Variants in NABP2 observed in about 807,000 individuals in gnomAD.
The protein encoded by NABP2 is nucleic acid binding protein 2.
Under a neutral mutation model 22.7 loss-of-function variants are expected in NABP2, and 7 were observed. That is an observed-to-expected ratio of 0.31 (90% CI 0.18 to 0.58). The LOEUF is 0.58. NABP2 is among the 20% of genes least tolerant of loss of function. NABP2 has a pLI of 0.89. For missense variants in NABP2, 188 were observed against 265.9 expected (o/e 0.71, Z 2.04); for synonymous variants, 107 against 99.2 (o/e 1.08, Z -0.47).
In NABP2 at chr12:56,226,342, A is replaced by G. The variant is rs139926672; in HGVS notation, c.373-14A>G. On this transcript the variant is annotated splice_polypyrimidine_tract_variant and intron_variant, in intron 5 of 6. Transcript: ENST00000267023. ...GGAGGGAGCAGGATCTGAATATGTA[A>G]TCTGTGCCTTCAGGTGCAGAACGAC... 1.2e-5 allele frequency: 20 copies of G among 1,613,906 alleles called. No individual in the cohort carries two copies. In the African/African-American group the frequency reaches 2.4e-4, roughly 19 times the overall value.
chr12:56,225,590 G>A (rs371941176), intron 3 of NABP2, 34 bp from the exon 4 acceptor site: 1 of 1,614,134 alleles, frequency 6.2e-7, no homozygotes, highest in Non-Finnish European at 8.5e-7. Context: ...TAACACTTCT[G>A]AGTACTGAAT....
intron 1 of NABP2, 56 bp from the exon 2 acceptor site, chr12:56,224,778 G>C: frequency 6.8e-7 from 1 of 1,479,570 alleles, no homozygotes; most frequent in Non-Finnish European, 9.4e-7. Flanking sequence ...TTGGGAAGTG[G>C]AGCATGGGGG....
Position 56,225,621 on chromosome 12 carries a change from T to C in NABP2, c.219-3T>C. 6.2e-7 allele frequency: 1 copy of C among 1,614,120 alleles called. No homozygotes were observed. The highest frequency in any genetic ancestry group is 1.7e-5 in the Admixed American group (1 of 60,000). ...TGAATTTTGCTTTTTTTGCCTCCCA[T>C]AGGTACGCTTCAGTTTTCAAAGGTT... On this transcript the variant is annotated splice_polypyrimidine_tract_variant and splice_region_variant and intron_variant, in intron 3 of 6. Transcript: ENST00000267023.
chr12:56,225,676 G>A lies in NABP2; in HGVS notation c.271G>A (p.Asp91Asn). 1 of 1,614,206 alleles carries A rather than the reference G, an allele frequency of 6.2e-7. No homozygotes were observed. The highest frequency in any genetic ancestry group is 1.1e-5 in the South Asian group (1 of 91,084). ...GACACTATATACTGGCCGTGGGGGT[G>A]ATCTGCAGAAGATTGGAGAGTAAGT... ...CLTLYTGRGG[D>N]LQKIGEFCMV... is the part of the protein sequence containing the mutation. Residue 91 changes from aspartate (D) to asparagine (N), a missense_variant, in exon 4 of 7, where the codon GAT becomes AAT. Asp to Asn is a conservative substitution (Grantham distance 23). Coordinates refer to ENST00000267023, the MANE Select transcript of NABP2 (RefSeq NM_024068.4).
chr12:56,226,751 G>A lies in NABP2; in HGVS notation c.436+332G>A, dbSNP rs1368609171. On this transcript the variant is annotated intron_variant, in intron 6 of 6. Coordinates refer to ENST00000267023, the MANE Select transcript of NABP2 (RefSeq NM_024068.4). The stretch of plus-strand genomic sequence containing the variant: ...CGGCTAATTTTTTTTTTTTTGAGAT[G>A]GAGTCTCTGTCACCCAGGCTGGAGT... 5.1e-4 allele frequency among the ~76,000 whole-genome samples: 3 copies of A among 5,866 alleles called. No homozygotes were observed. In the Non-Finnish European group the frequency reaches 0.012, roughly 23 times the overall value. 3.8% of individuals were successfully genotyped at this position (5,866 alleles called of 152,430 possible).
chr12:56,228,757 A>C (rs917717798), intron 6 of NABP2, among the ~76,000 whole-genome samples: 3 of 152,104 alleles, frequency 2.0e-5, no homozygotes, highest in Non-Finnish European at 1.5e-5. Context: ...CTGATTCCCA[A>C]TAATAGTGAG....
intron 6 of NABP2, among the ~76,000 whole-genome samples, chr12:56,226,632 C>A (rs1458829532): frequency 8.3e-6 from 1 of 119,890 alleles, no homozygotes; most frequent in Non-Finnish European, 1.6e-5. Flanking sequence ...ATGGCGTGAT[C>A]TCGGCTCACT....
upstream of NABP2, chr12:56,224,219 T>G (rs1022663760): frequency 6.2e-5 from 38 of 616,148 alleles, no homozygotes; most frequent in Non-Finnish European, 7.7e-5. Context: ...ATTCGCCCCC[T>G]TCGCGGCGCA....
chr12:56,229,087 T>TTGGCGCCCCCC lies in NABP2; in HGVS notation c.510_511insTGGCGCCCCCC (p.Pro171TrpfsTer66). ...GTGGTGGCCCACATCCCCCTCATAC[T>TTGGCGCCCCCC]CCCTCCCACCCACCCAGCACCCGAA... On this transcript the variant is annotated frameshift_variant, in exon 7 of 7. Transcript: ENST00000267023. LOFTEE classifies it high-confidence loss of function. 1.3e-6 allele frequency: 2 copies of TTGGCGCCCCCC among 1,512,342 alleles called. No individual in the cohort carries two copies. Among genetic ancestry groups the TTGGCGCCCCCC allele is most frequent in the Non-Finnish European group, 1.8e-6 (2 of 1,102,012 alleles). The allele number at this position is 1,512,342 out of a possible 1,614,324, so 93.7% of individuals were successfully genotyped here.
intron 2 of NABP2, 152 bp from the exon 3 acceptor site, chr12:56,225,221 C>A (rs1869705848): frequency 1.9e-6 from 2 of 1,068,646 alleles, no homozygotes; most frequent in African/African-American, 1.6e-5. Flanking sequence ...ACCCCTTCCA[C>A]AATCCCAACC....
Position 56,226,284 on chromosome 12 carries a change from G to A in NABP2, c.372+24G>A, listed in dbSNP as rs978686187. 3 of 1,613,926 alleles carry A rather than the reference G, an allele frequency of 1.9e-6. No individual in the cohort carries two copies. In the African/African-American group the frequency reaches 4.0e-5, roughly 22 times the overall value. ...CGGTGAGTCCTGTGGCCACAATGGT[G>A]GGAAAGGAGGGCAGATCAAGACAAG... On this transcript the variant is annotated intron_variant, in intron 5 of 6. Transcript: ENST00000267023.
rs752001538 is a variant in NABP2 at position 56,229,036 on chromosome 12, T to C, written c.459T>C (p.Asn153=). Residue 153 remains asparagine (N), a synonymous_variant, in exon 7 of 7, where the codon AAT becomes AAC. Transcript: ENST00000267023. The part of the protein sequence containing the change: ...ASPASENQNG[N]GLSAPPGPGG... ...TAGCCTCTGAGAACCAGAATGGGAA[T>C]GGACTGAGTGCCCCACCAGGTCCCG... The C allele has an allele frequency of 4.3e-6, 7 of 1,613,252 alleles. No homozygotes were observed. The highest frequency in any genetic ancestry group is 2.2e-5 in the East Asian group (1 of 44,868).
upstream of NABP2, chr12:56,224,212 C>A: frequency 4.0e-6 from 2 of 502,770 alleles, no homozygotes; most frequent in Non-Finnish European, 5.2e-6. Flanking sequence ...ACCTGAAATT[C>A]GCCCCCTTCG....
chr12:56,224,507 C>T (rs985711047), intron 1 of NABP2, 66 bp downstream of exon 1: 2 of 1,087,232 alleles, frequency 1.8e-6, no homozygotes, highest in African/African-American at 1.6e-5. Flanking sequence ...ATGAGGGTTC[C>T]GGAAGATCTG....
intron 6 of NABP2, among the ~76,000 whole-genome samples, chr12:56,228,799 T>TTCATGTAGCAACTTCCTAAATGA (rs1869935653): frequency 6.6e-6 from 1 of 152,022 alleles, no homozygotes; most frequent in Non-Finnish European, 1.5e-5. Flanking sequence ...CGTACCGAGG[T>TTCATGTAGCAACTTCCTAAATGA]TCATGTAGCA....
At chr12:56,223,550 A>G (rs1869608944), upstream of NABP2, 1 of 152,008 alleles carries the variant, frequency 6.6e-6, no homozygotes, top group Admixed American at 6.6e-5. Context: ...AAAAAAAAAA[A>G]AAGGGACTAA....
chr12:56,229,551 A>T lies in NABP2; in HGVS notation c.*338A>T, dbSNP rs989623319. 7 of 274,986 alleles carry T rather than the reference A, an allele frequency of 2.5e-5. No homozygotes were observed. The highest frequency in any genetic ancestry group is 4.9e-5 in the Non-Finnish European group (7 of 141,710). 17.0% of individuals were successfully genotyped at this position (274,986 alleles called of 1,614,324 possible). A position where few individuals can be genotyped will look rare whatever the true frequency, so the allele number is the denominator to read the frequency against. On this transcript the variant is annotated 3_prime_UTR_variant, in exon 7 of 7. Coordinates refer to ENST00000267023, the MANE Select transcript of NABP2 (RefSeq NM_024068.4). ...GGAGTTCAAGACCAGCCTGACCAAC[A>T]TGGAGAAACCCCGTGTCTACTAAAA...
chr12:56,229,057 T>C lies in NABP2; in HGVS notation c.480T>C (p.Gly160=). The C allele has an allele frequency of 6.2e-7, 1 of 1,613,120 alleles. No homozygotes were observed. Among genetic ancestry groups the C allele is most frequent in the South Asian group, 1.1e-5 (1 of 90,888 alleles). Residue 160 remains glycine, a synonymous_variant, in exon 7 of 7, where the codon GGT becomes GGC. Transcript: ENST00000267023. ...GGAATGGACTGAGTGCCCCACCAGG[T>C]CCCGGTGGTGGCCCACATCCCCCTC... is the stretch of plus-strand genomic sequence containing the variant. The part of the protein sequence containing the change: ...QNGNGLSAPP[G]PGGGPHPPHT...
Position 56,229,087 on chromosome 12 carries a change from T to TTGGGGGCCCCCC in NABP2, c.510_511insTGGGGGCCCCCC (p.Thr170_Pro171insTrpGlyProPro). On this transcript the variant is annotated inframe_insertion, in exon 7 of 7. Transcript: ENST00000267023. ...GTGGTGGCCCACATCCCCCTCATAC[T>TTGGGGGCCCCCC]CCCTCCCACCCACCCAGCACCCGAA... is the stretch of plus-strand genomic sequence containing the variant. The TTGGGGGCCCCCC allele has an allele frequency of 2.0e-6, 3 of 1,512,344 alleles. No individual in the cohort carries two copies. The highest frequency in any genetic ancestry group is 1.4e-5 in the African/African-American group (1 of 70,800). 93.7% of individuals were successfully genotyped at this position (1,512,344 alleles called of 1,614,324 possible).
Sources: gnomAD v4.1 joint callset for allele counts (sites outside exome capture counted in the v4.1 genomes callset) on GRCh38, gnomAD v4.1.1 for gene constraint, MANE v1.5 for transcripts, NCBI Gene and HGNC (gene_info 2026-07-23, HGNC 2026-07-21) for gene names.